HSPA12A: variants seen among roughly 807,000 people sequenced by gnomAD.
HSPA12A encodes heat shock 70 kDa protein 12A.
HSPA12A carries 28 observed loss-of-function variants against 69.2 expected under a neutral mutation model. That is an observed-to-expected ratio of 0.40 (90% CI 0.30 to 0.55). HSPA12A has a LOEUF of 0.55. Among genes scored for constraint, HSPA12A ranks in the 20% least tolerant of loss-of-function variants. The pLI is 0.38. For synonymous variants in HSPA12A, 345 were observed against 370.5 expected (o/e 0.93, Z 0.79); for missense variants, 686 against 900.7 (o/e 0.76, Z 3.05).
At chr10:116,770,679 G>T (rs1206513806) in intron 2 of HSPA12A, among the ~76,000 whole-genome samples, 8 of 152,132 alleles carry the variant, frequency 5.3e-5, no homozygotes, top group African/African-American at 1.9e-4. Flanking sequence ...GTCCATGGCT[G>T]CCGGGTTGTC....
rs1849761475 is a variant in HSPA12A, at chr10:116,692,334, C to G, written c.663+17G>C. The G allele has an allele frequency of 6.2e-7, 1 of 1,603,736 alleles. No individual in the cohort carries two copies. The highest frequency in any genetic ancestry group is 8.5e-7 in the Non-Finnish European group (1 of 1,170,786). ...TCCTTCTCCTCCGGCTTCCACCCGC[C>G]CTGACTCTACCCTCACCTGGTAGGC... On this transcript the variant is annotated intron_variant, in intron 6 of 11. Transcript: ENST00000369209.
intron 2 of HSPA12A, among the ~76,000 whole-genome samples, chr10:116,809,079 C>T (rs1388297737): frequency 6.6e-6 from 1 of 152,170 alleles, no homozygotes; most frequent in Non-Finnish European, 1.5e-5. Flanking sequence ...CCTGGGACAC[C>T]TGCCGATCTC....
At chr10:116,730,765 G>A (rs752731322) in intron 1 of HSPA12A, among the ~76,000 whole-genome samples, 2 of 152,218 alleles carry the variant, frequency 1.3e-5, no homozygotes, top group Non-Finnish European at 2.9e-5. Flanking sequence ...AAGGATGGAC[G>A]CTCAAAAATA....
chr10:116,765,021 G>T (rs2133107098), intron 2 of HSPA12A, among the ~76,000 whole-genome samples: 1 of 152,310 alleles, frequency 6.6e-6, no homozygotes, highest in East Asian at 1.9e-4. Context: ...AATGAGTAAA[G>T]ATGTGATGTG....
Position 116,701,082 on chromosome 10 carries a change from G to A in HSPA12A, c.302C>T (p.Thr101Ile). Residue 101 changes from threonine (T) to isoleucine (I), a missense_variant, in exon 4 of 12, where the codon ACC becomes ATC. Physicochemically the swap from Thr to Ile is moderately conservative, Grantham distance 89. Transcript: ENST00000369209. ...CCTCTCGGGAGTCAGCAAGATGGTG[G>A]TTGGAGTCTTCTGATTGGACACACC... Reference protein sequence around the residue: ...DPGVSNQKTPTTILLTPERKF... With the variant: ...DPGVSNQKTPITILLTPERKF... The A allele has an allele frequency of 1.2e-6, 2 of 1,614,146 alleles. No homozygotes were observed. Among genetic ancestry groups the A allele is most frequent in the Non-Finnish European group, 1.7e-6 (2 of 1,180,032 alleles).
At chr10:116,837,673 A>G (rs151022057) in intron 1 of HSPA12A, among the ~76,000 whole-genome samples, 2 of 152,324 alleles carry the variant, frequency 1.3e-5, no homozygotes, top group East Asian at 3.9e-4. Context: ...AGATTTTAAA[A>G]TACTTTAATA....
intron 2 of HSPA12A, among the ~76,000 whole-genome samples, chr10:116,799,543 T>C (rs963744122): frequency 6.6e-6 from 1 of 152,122 alleles, no homozygotes; most frequent in Non-Finnish European, 1.5e-5. Context: ...AATGGGGTTA[T>C]TCCTCTGTTC....
At chr10:116,744,922 G>A (rs1851615943), upstream of HSPA12A, among the ~76,000 whole-genome samples, 1 of 152,212 alleles carries the variant, frequency 6.6e-6, no homozygotes, top group African/African-American at 2.4e-5. Flanking sequence ...CAGCCAGAGA[G>A]AGAGCATGTC....
intron 2 of HSPA12A, among the ~76,000 whole-genome samples, chr10:116,816,632 C>T (rs775636739): frequency 6.6e-6 from 1 of 152,212 alleles, no homozygotes; most frequent in Non-Finnish European, 1.5e-5. Context: ...GTAAAACAGC[C>T]CCGACATCCA....
At chr10:116,702,556 C>T (rs1850111054) in intron 3 of HSPA12A, among the ~76,000 whole-genome samples, 1 of 152,188 alleles carries the variant, frequency 6.6e-6, no homozygotes, top group Non-Finnish European at 1.5e-5. Context: ...GGATGCTGCT[C>T]CTACCCCAGC....
chr10:116,774,669 G>A (rs1027237397), intron 2 of HSPA12A, among the ~76,000 whole-genome samples: 6 of 152,202 alleles, frequency 3.9e-5, no homozygotes, highest in African/African-American at 1.4e-4. Flanking sequence ...AAGGATTGGA[G>A]AGTGGGACAT....
intron 1 of HSPA12A, among the ~76,000 whole-genome samples, chr10:116,837,499 G>C (rs7077146): frequency 0.056 from 8,513 of 152,128 alleles, 790 homozygotes; most frequent in African/African-American, 0.19. Flanking sequence ...TACTGACAAA[G>C]AGCACAGAGA....
chr10:116,794,743 A>G (rs1681729), intron 2 of HSPA12A, among the ~76,000 whole-genome samples: 123,846 of 152,032 alleles, frequency 0.81, 52,715 homozygotes, highest in Non-Finnish European at 0.93. Flanking sequence ...AACTCCAGAG[A>G]TGGAGATTGC....
chr10:116,841,039 C>G (rs1845794164), intron 1 of HSPA12A, among the ~76,000 whole-genome samples: 1 of 152,230 alleles, frequency 6.6e-6, no homozygotes, highest in Non-Finnish European at 1.5e-5. Context: ...CACACACACA[C>G]ACAAATGGTG....
intron 1 of HSPA12A, among the ~76,000 whole-genome samples, chr10:116,840,601 T>C (rs1457815940): frequency 2.0e-5 from 3 of 152,198 alleles, no homozygotes; most frequent in Non-Finnish European, 4.4e-5. Context: ...TCAACAAGTG[T>C]TGGCTGAGAA....
At chr10:116,778,921 C>A (rs1046962717) in intron 2 of HSPA12A, among the ~76,000 whole-genome samples, 1 of 152,064 alleles carries the variant, frequency 6.6e-6, no homozygotes, top group Non-Finnish European at 1.5e-5. Context: ...GGAGATGGAA[C>A]GACCCTGTCT....
At chr10:116,838,712 A>C (rs1845757155) in intron 1 of HSPA12A, among the ~76,000 whole-genome samples, 1 of 152,192 alleles carries the variant, frequency 6.6e-6, no homozygotes, top group Non-Finnish European at 1.5e-5. Flanking sequence ...AACTTCATAC[A>C]AAAGAGGGTT....
intron 2 of HSPA12A, among the ~76,000 whole-genome samples, chr10:116,756,875 G>A (rs1222353524): frequency 6.6e-6 from 1 of 152,154 alleles, no homozygotes; most frequent in Non-Finnish European, 1.5e-5. Context: ...GGCCAGTCCA[G>A]GTGTAAAGTT....
At chr10:116,834,164 T>A (rs1275799680) in intron 2 of HSPA12A, among the ~76,000 whole-genome samples, 1 of 152,170 alleles carries the variant, frequency 6.6e-6, no homozygotes, top group South Asian at 2.1e-4. Context: ...AACCTTCCTA[T>A]TGGCTGCAAT....
Sources: gnomAD v4.1 joint callset for allele counts (sites outside exome capture counted in the v4.1 genomes callset) on GRCh38, gnomAD v4.1.1 for gene constraint, MANE v1.5 for transcripts, NCBI Gene and HGNC (gene_info 2026-07-23, HGNC 2026-07-21) for gene names.